Variants in CHN2 observed in about 807,000 individuals in gnomAD.
CHN2 encodes the protein chimerin 2.
In CHN2, 35 loss-of-function variants were observed where a neutral mutation model predicts 56.3. The ratio of observed to expected loss-of-function variants is 0.62; its 90% CI spans 0.47 to 0.82. The LOEUF (loss-of-function observed/expected upper bound fraction) is 0.82, where lower values mean the gene tolerates loss of function less well. CHN2 is among the 40% of genes least tolerant of loss of function. The probability of loss-of-function intolerance (pLI) is 0.00; values close to 1 mark genes in which losing one functional copy is unlikely to be tolerated. For missense variants in CHN2, 491 were observed against 580.5 expected (o/e 0.85, Z 1.58); for synonymous variants, 210 against 212.8 (o/e 0.99, Z 0.12).
At chr7:29,214,560 A>T (rs1015631522) in intron 1 of CHN2, among the ~76,000 whole-genome samples, 1 of 152,140 alleles carries the variant, frequency 6.6e-6, no homozygotes, top group Non-Finnish European at 1.5e-5. Context: ...TGTAATGCTC[A>T]TCTTCTTGTG....
chr7:29,494,950 T>TAAAAAAAAAAAAAAAAA lies in CHN2; in HGVS notation c.655-987_655-971dup, dbSNP rs5883217. Among the ~76,000 whole-genome samples, 30 of 64,654 alleles carry TAAAAAAAAAAAAAAAAA rather than the reference T, an allele frequency of 4.6e-4. 3 individuals are homozygous for TAAAAAAAAAAAAAAAAA. Among genetic ancestry groups the TAAAAAAAAAAAAAAAAA allele is most frequent in the South Asian group, 1.9e-3 (2 of 1,052 alleles). 42.4% of individuals were successfully genotyped at this position (64,654 alleles called of 152,430 possible). ...TTTTTTGTTAAATAAAAGCAGTTTG[T>TAAAAAAAAAAAAAAAAA]AAAAAAAAAAAAAAAAAAAAAAAAA... On this transcript the variant is annotated intron_variant, in intron 7 of 12. Transcript: ENST00000222792.
chr7:29,207,438 C>T (rs1013789729), intron 1 of CHN2, among the ~76,000 whole-genome samples: 1 of 152,164 alleles, frequency 6.6e-6, no homozygotes, highest in African/African-American at 2.4e-5. Context: ...TAAATGCCTC[C>T]CTTCCCCAGT....
rs1788735640 is a variant in CHN2, at chr7:29,252,746, C to T, written c.49+57756C>T. Reference sequence around the variant, plus strand: ...GAGTAGCTGGGACTACAGGCGCCCGCCACCGCGCCCGGCTAATTTTTTGTA... The same window carrying T: ...GAGTAGCTGGGACTACAGGCGCCCGTCACCGCGCCCGGCTAATTTTTTGTA... On this transcript the variant is annotated intron_variant, in intron 1 of 12. Coordinates refer to ENST00000222792, the MANE Select transcript of CHN2 (RefSeq NM_004067.4). Among the ~76,000 whole-genome samples the T allele has an allele frequency of 1.6e-5, 2 of 128,418 alleles. 1 individual carries two copies. The allele number at this position is 128,418 out of a possible 152,430, so 84.2% of individuals were successfully genotyped here.
chr7:29,217,222 G>A (rs1785412282), intron 1 of CHN2, among the ~76,000 whole-genome samples: 1 of 152,178 alleles, frequency 6.6e-6, no homozygotes, highest in African/African-American at 2.4e-5. Context: ...ATCTCAGGCT[G>A]TGCCTTGCAA....
At chr7:29,234,445 C>T (rs1368323868) in intron 1 of CHN2, among the ~76,000 whole-genome samples, 1 of 152,150 alleles carries the variant, frequency 6.6e-6, no homozygotes, top group African/African-American at 2.4e-5. Context: ...TAATGGGGCC[C>T]ATAAACCTCA....
At chr7:29,379,631 T>G (rs1235590083) in intron 3 of CHN2, among the ~76,000 whole-genome samples, 1 of 152,224 alleles carries the variant, frequency 6.6e-6, no homozygotes, top group African/African-American at 2.4e-5. Context: ...TTTCAACTTT[T>G]CTGTATGTAT....
intron 2 of CHN2, among the ~76,000 whole-genome samples, chr7:29,359,566 A>G (rs1263252831): frequency 6.6e-6 from 1 of 152,172 alleles, no homozygotes; most frequent in Non-Finnish European, 1.5e-5. Flanking sequence ...AGGAAAAAAA[A>G]GGAAAAAGCT....
At chr7:29,452,314 C>T (rs997194647) in intron 6 of CHN2, among the ~76,000 whole-genome samples, 9 of 152,112 alleles carry the variant, frequency 5.9e-5, no homozygotes, top group African/African-American at 2.2e-4. Context: ...CAGGCTGGGC[C>T]TCGGGTGAAG....
At chr7:29,494,701 CAG>C (rs1789047011) in intron 7 of CHN2, among the ~76,000 whole-genome samples, 1 of 152,096 alleles carries the variant, frequency 6.6e-6, no homozygotes, top group Admixed American at 6.5e-5. Flanking sequence ...CGCTTTATTA[CAG>C]AGTTATAAGT....
chr7:29,252,579 T>TTTTTTTTTTTTGTTTTGTTTTG (rs1788674732), intron 1 of CHN2, among the ~76,000 whole-genome samples: 1 of 10,288 alleles, frequency 9.7e-5, no homozygotes, highest in African/African-American at 1.5e-3. Flanking sequence ...GCATTCTTTG[T>TTTTTTTTTTTTGTTTTGTTTTG]TTTTTTTTTT....
At chr7:29,419,160 CTTTG>C (rs67569544) in intron 6 of CHN2, among the ~76,000 whole-genome samples, 50,085 of 151,720 alleles carry the variant, frequency 0.33, 9,617 homozygotes, top group East Asian at 0.63. Context: ...CACCTCAAGG[CTTTG>C]TTTAATTGTT....
At position 29,195,836 on chromosome 7, in the gene CHN2, T is replaced by C. The variant is rs193151435; in HGVS notation, c.49+846T>C. On this transcript the variant is annotated intron_variant, in intron 1 of 12. Coordinates refer to ENST00000222792, the MANE Select transcript of CHN2 (RefSeq NM_004067.4). The stretch of plus-strand genomic sequence containing the variant: ...AAAATTGCTAATGAATCTGAAGGAG[T>C]AGGAATCAATAGAGGCAGACCCACT... Among the ~76,000 whole-genome samples the C allele has an allele frequency of 1.2e-4, 18 of 151,952 alleles. No homozygotes were observed. In the East Asian group the frequency reaches 2.9e-3, roughly 25 times the overall value.
intron 6 of CHN2, among the ~76,000 whole-genome samples, chr7:29,423,329 G>A (rs55967033): frequency 0.014 from 2,072 of 152,288 alleles, 52 homozygotes; most frequent in African/African-American, 0.048. Flanking sequence ...GCAGGCAGAC[G>A]CCCCCAGGTG....
intron 2 of CHN2, among the ~76,000 whole-genome samples, chr7:29,164,556 G>A (rs551165143): frequency 4.0e-5 from 6 of 151,844 alleles, no homozygotes; most frequent in South Asian, 4.2e-4. Context: ...GGGCTGAGGC[G>A]GGCAGATCAT....
At chr7:29,284,952 G>T (rs1792028672) in intron 1 of CHN2, among the ~76,000 whole-genome samples, 1 of 152,170 alleles carries the variant, frequency 6.6e-6, no homozygotes, top group African/African-American at 2.4e-5. Context: ...TGGAACTTCA[G>T]GGTTGAATGG....
intron 2 of CHN2, among the ~76,000 whole-genome samples, chr7:29,365,737 C>T (rs1301294204): frequency 6.6e-6 from 1 of 152,164 alleles, no homozygotes; most frequent in African/African-American, 2.4e-5. Context: ...TAGAAGGAGA[C>T]AGGCAAAAGC....
intron 6 of CHN2, among the ~76,000 whole-genome samples, chr7:29,456,743 C>CT (rs1285126690): frequency 6.6e-6 from 1 of 152,014 alleles, no homozygotes; most frequent in Non-Finnish European, 1.5e-5. Flanking sequence ...TCTGAGGACA[C>CT]TTTTGAGAAG....
At chr7:29,291,506 G>A (rs1009312365) in intron 1 of CHN2, among the ~76,000 whole-genome samples, 2 of 152,012 alleles carry the variant, frequency 1.3e-5, no homozygotes, top group African/African-American at 4.8e-5. Context: ...CTTTTTAAAT[G>A]TGGTCAGACT....
intron 1 of CHN2, among the ~76,000 whole-genome samples, chr7:29,316,911 T>C (rs1053881233): frequency 6.6e-6 from 1 of 152,098 alleles, no homozygotes; most frequent in Non-Finnish European, 1.5e-5. Context: ...TAAAAAAAAA[T>C]GTTTTATTGC....
Sources: gnomAD v4.1 joint callset for allele counts (sites outside exome capture counted in the v4.1 genomes callset) on GRCh38, gnomAD v4.1.1 for gene constraint, MANE v1.5 for transcripts, NCBI Gene and HGNC (gene_info 2026-07-23, HGNC 2026-07-21) for gene names.